MOSMO: variants seen among roughly 807,000 people sequenced by gnomAD.
The protein encoded by MOSMO is modulator of smoothened.
Under a neutral mutation model 18.4 loss-of-function variants are expected in MOSMO, and 5 were observed. That is an observed-to-expected ratio of 0.27 (90% CI 0.14 to 0.57). The LOEUF (loss-of-function observed/expected upper bound fraction) is 0.57. Ranked by LOEUF, MOSMO falls within the 20% of genes least tolerant of loss-of-function variation. MOSMO has a pLI of 0.92. For missense variants in MOSMO, 138 were observed against 211.8 expected (o/e 0.65, Z 2.16); for synonymous variants, 82 against 82.3 (o/e 1.00, Z 0.02).
intron 1 of MOSMO, among the ~76,000 whole-genome samples, chr16:22,030,455 A>G (rs1437829138): frequency 6.6e-6 from 1 of 152,218 alleles, no homozygotes; most frequent in East Asian, 1.9e-4. Flanking sequence ...CATTAAGTGC[A>G]TATTTCTTAG....
At position 22,080,683 on chromosome 16, in the gene MOSMO, G is replaced by T; in HGVS notation, c.320-13G>T. ...ACCATGTTACTAATGTTGTGTTTTG[G>T]TTTGTTTTACAGTGATCCTTTTCTG... On this transcript the variant is annotated splice_polypyrimidine_tract_variant and intron_variant, in intron 2 of 2. Coordinates refer to ENST00000542527, the MANE Select transcript of MOSMO (RefSeq NM_001164579.2). 6.9e-7 allele frequency: 1 copy of T among 1,454,188 alleles called. No homozygotes were observed. Among genetic ancestry groups the T allele is most frequent in the South Asian group, 1.4e-5 (1 of 70,582 alleles). 90.1% of individuals were successfully genotyped at this position (1,454,188 alleles called of 1,614,324 possible). A position where few individuals can be genotyped will look rare whatever the true frequency, so the allele number is the denominator to read the frequency against.
At chr16:22,072,736 C>T (rs1900882062) in intron 1 of MOSMO, among the ~76,000 whole-genome samples, 1 of 150,210 alleles carries the variant, frequency 6.7e-6, no homozygotes, top group African/African-American at 2.5e-5. Flanking sequence ...GGCGTGAACC[C>T]GGGAGGCGGA....
downstream of MOSMO, chr16:22,085,174 G>A (rs1005175737): frequency 6.6e-6 from 1 of 152,176 alleles, no homozygotes; most frequent in African/African-American, 2.4e-5. Context: ...GTCAAGATTA[G>A]CCCAACCGAA....
At chr16:22,016,456 C>T (rs918035335) in intron 1 of MOSMO, among the ~76,000 whole-genome samples, 4 of 152,160 alleles carry the variant, frequency 2.6e-5, no homozygotes, top group Non-Finnish European at 4.4e-5. Context: ...TTTAAGGCAA[C>T]ATAATGTGTC....
chr16:22,024,484 C>T (rs1899835145), intron 1 of MOSMO, among the ~76,000 whole-genome samples: 1 of 151,880 alleles, frequency 6.6e-6, no homozygotes, highest in South Asian at 2.1e-4. Context: ...CCTGCCTCAG[C>T]CTCCTGAGTA....
chr16:22,023,492 C>G (rs1175820317), intron 1 of MOSMO, among the ~76,000 whole-genome samples: 1 of 152,196 alleles, frequency 6.6e-6, no homozygotes, highest in Non-Finnish European at 1.5e-5. Flanking sequence ...GTTTTCCCTA[C>G]TGTGCTATTT....
At chr16:22,016,716 C>T (rs1341420391) in intron 1 of MOSMO, among the ~76,000 whole-genome samples, 2 of 152,102 alleles carry the variant, frequency 1.3e-5, no homozygotes, top group Admixed American at 6.6e-5. Context: ...ATTTACGAGC[C>T]GTGTAATTGA....
At chr16:22,027,748 A>C (rs911934073) in intron 1 of MOSMO, among the ~76,000 whole-genome samples, 1 of 152,304 alleles carries the variant, frequency 6.6e-6, no homozygotes. Flanking sequence ...GGGAAGTGAG[A>C]AAGCAAGCTG....
intron 1 of MOSMO, among the ~76,000 whole-genome samples, chr16:22,009,006 G>T (rs1343029939): frequency 6.6e-6 from 1 of 152,152 alleles, no homozygotes; most frequent in African/African-American, 2.4e-5. Context: ...TGAATGGTGG[G>T]TGCTGGGAGA....
At chr16:22,047,014 C>T (rs1448098427) in intron 1 of MOSMO, among the ~76,000 whole-genome samples, 1 of 151,994 alleles carries the variant, frequency 6.6e-6, no homozygotes, top group East Asian at 1.9e-4. Flanking sequence ...TCATCCCTAC[C>T]TTTTTCACCC....
intron 1 of MOSMO, among the ~76,000 whole-genome samples, chr16:22,067,344 A>C (rs1478797904): frequency 6.6e-6 from 1 of 152,182 alleles, no homozygotes; most frequent in Non-Finnish European, 1.5e-5. Context: ...TTTGATGAAA[A>C]ACTATACATT....
In MOSMO at chr16:22,058,150, G is replaced by A. The variant is rs141500407; in HGVS notation, c.107-17337G>A. Among the ~76,000 whole-genome samples, 599 of 152,220 alleles carry A rather than the reference G, an allele frequency of 3.9e-3. 3 individuals are homozygous for A. Among genetic ancestry groups the A allele is most frequent in the African/African-American group, 0.013 (552 of 41,546 alleles). On this transcript the variant is annotated intron_variant, in intron 1 of 2. Transcript: ENST00000542527. ...ATGTTAGAAACAGTTGTTCTAGGCCGGGTGTGGTGGCTCACACCCATAATC... is the reference window on the plus strand; with the variant it reads ...ATGTTAGAAACAGTTGTTCTAGGCCAGGTGTGGTGGCTCACACCCATAATC...
chr16:22,082,471 C>T lies in MOSMO; in HGVS notation c.*1591C>T, dbSNP rs141110002. 6.6e-6 allele frequency: 1 copy of T among 152,174 alleles called. No homozygotes were observed. The highest frequency in any genetic ancestry group is 1.5e-5 in the Non-Finnish European group (1 of 68,014). 9.4% of individuals were successfully genotyped at this position (152,174 alleles called of 1,614,324 possible). A position where few individuals can be genotyped will look rare whatever the true frequency, so the allele number is the denominator to read the frequency against. On this transcript the variant is annotated 3_prime_UTR_variant, in exon 3 of 3. Coordinates refer to ENST00000542527, the MANE Select transcript of MOSMO (RefSeq NM_001164579.2). ...TTCATGGCAGTGGAGCTAAGTTTCT[C>T]CTCTTTATAGTGAACTGGTGACCCA...
intron 1 of MOSMO, among the ~76,000 whole-genome samples, 199 bp downstream of exon 1, chr16:22,008,606 G>A (rs941841626): frequency 3.3e-5 from 5 of 152,100 alleles, no homozygotes; most frequent in African/African-American, 9.6e-5. Context: ...CGGGACCCCC[G>A]GGCTGAGGGG....
At chr16:22,089,576 T>C (rs1320359824), downstream of MOSMO, among the ~76,000 whole-genome samples, 1 of 152,176 alleles carries the variant, frequency 6.6e-6, no homozygotes, top group Non-Finnish European at 1.5e-5. Flanking sequence ...CTCTAAGTTG[T>C]GCAGAGGTTC....
intron 1 of MOSMO, among the ~76,000 whole-genome samples, chr16:22,013,880 T>TGG (rs906762480): frequency 7.0e-6 from 1 of 142,164 alleles, no homozygotes; most frequent in East Asian, 2.2e-4. Context: ...TGTTACTGTT[T>TGG]GGGGGGGGGG....
At chr16:22,077,008 A>G (rs552289511) in intron 2 of MOSMO, among the ~76,000 whole-genome samples, 1 of 152,304 alleles carries the variant, frequency 6.6e-6, no homozygotes, top group Non-Finnish European at 1.5e-5. Context: ...TCCAGAAGCA[A>G]TCGTAGAAAC....
rs1362426130 is a variant in MOSMO at position 22,008,857 on chromosome 16, G to A, written c.106+450G>A. On this transcript the variant is annotated intron_variant, in intron 1 of 2. Coordinates refer to ENST00000542527, the MANE Select transcript of MOSMO (RefSeq NM_001164579.2). Reference sequence around the variant, plus strand: ...GGCTGAGAGTGAGGCAGCCTGCGGGGCAGTGCGGGAGCCACTAGAGAGCTG... The same window carrying A: ...GGCTGAGAGTGAGGCAGCCTGCGGGACAGTGCGGGAGCCACTAGAGAGCTG... Among the ~76,000 whole-genome samples, 12 of 152,276 alleles carry A rather than the reference G, an allele frequency of 7.9e-5. No homozygotes were observed. In the East Asian group the frequency reaches 2.1e-3, roughly 27 times the overall value.
intron 2 of MOSMO, among the ~76,000 whole-genome samples, chr16:22,077,144 G>T (rs1900985602): frequency 2.6e-5 from 4 of 152,176 alleles, no homozygotes; most frequent in Admixed American, 2.6e-4. Context: ...ATCAAAGAAG[G>T]ATTTAGTTTC....
Sources: gnomAD v4.1 joint callset for allele counts (sites outside exome capture counted in the v4.1 genomes callset) on GRCh38, gnomAD v4.1.1 for gene constraint, MANE v1.5 for transcripts, NCBI Gene and HGNC (gene_info 2026-07-23, HGNC 2026-07-21) for gene names.